TEDC2: variants seen among roughly 807,000 people sequenced by gnomAD.
TEDC2 encodes the protein tubulin epsilon and delta complex 2.
A neutral mutation model predicts 48.1 loss-of-function variants in TEDC2; 49 were observed. The observed-to-expected ratio is 1.02, with a 90% CI of 0.81 to 1.29. The LOEUF (loss-of-function observed/expected upper bound fraction) is 1.29, where lower values mean the gene tolerates loss of function less well. Ranked by LOEUF, TEDC2 falls within the 50% of genes most tolerant of loss-of-function variation. The pLI, the probability that TEDC2 is intolerant of heterozygous loss-of-function variation, is 0.00. For synonymous variants in TEDC2, 299 were observed against 247.1 expected (o/e 1.21, Z -1.97); for missense variants, 631 against 571.4 (o/e 1.10, Z -1.06).
At chr16:2,461,245 C>T in intron 4 of TEDC2, 21 bp downstream of exon 4, 2 of 1,445,518 alleles carry the variant, frequency 1.4e-6, no homozygotes, top group Non-Finnish European at 1.8e-6. Context: ...CGGACCCTCA[C>T]TGGAGGGACT....
chr16:2,463,190 G>A (rs972469270), intron 8 of TEDC2, among the ~76,000 whole-genome samples: 4 of 152,086 alleles, frequency 2.6e-5, no homozygotes, highest in African/African-American at 7.2e-5. Flanking sequence ...GCGTGGTGGT[G>A]GGCGCCTGTA....
chr16:2,461,609 A>G (rs1450403435), intron 4 of TEDC2, 138 bp from the exon 5 acceptor site: 1 of 1,032,612 alleles, frequency 9.7e-7, no homozygotes, highest in Non-Finnish European at 1.5e-6. Context: ...AGCCCTATCC[A>G]AGGGGGCTCA....
At chr16:2,463,282 C>G (rs2065479025) in intron 8 of TEDC2, among the ~76,000 whole-genome samples, 2 of 151,442 alleles carry the variant, frequency 1.3e-5, no homozygotes, top group Admixed American at 6.6e-5. Flanking sequence ...GATTGCGCCA[C>G]TGCATTCCAG....
At position 2,460,898 on chromosome 16, in the gene TEDC2, C is replaced by G. The variant is rs755501032; in HGVS notation, c.279C>G (p.Gly93=). ...AGAAGGCTGTACGAGTTCGAAGAGGCATCACTAAGGCCGGAGAGAGAGACA... is the reference window on the plus strand; with the variant it reads ...AGAAGGCTGTACGAGTTCGAAGAGGGATCACTAAGGCCGGAGAGAGAGACA... The part of the protein sequence containing the change: ...ALEKAVRVRR[G]ITKAGERDKA... Residue 93 remains glycine (G), a synonymous_variant, in exon 4 of 10, where the codon GGC becomes GGG. Coordinates refer to ENST00000361837, the MANE Select transcript of TEDC2 (RefSeq NM_025108.3). The G allele has an allele frequency of 8.1e-6, 13 of 1,613,568 alleles. No individual in the cohort carries two copies. The highest frequency in any genetic ancestry group is 1.1e-5 in the Non-Finnish European group (13 of 1,180,020).
rs2065455621 is a variant in TEDC2 at position 2,460,150 on chromosome 16, G to A, written c.6G>A (p.Leu2=). 4 of 1,349,638 alleles carry A rather than the reference G, an allele frequency of 3.0e-6. No homozygotes were observed. The highest frequency in any genetic ancestry group is 8.2e-5 in the Admixed American group (2 of 24,446). 83.6% of individuals were successfully genotyped at this position (1,349,638 alleles called of 1,614,324 possible). A position where few individuals can be genotyped will look rare whatever the true frequency, so the allele number is the denominator to read the frequency against. The part of the protein sequence containing the change: M[L]PAGCSRRLVA... ...AAGGAGACGCCGCCGCCTTCATGCT[G>A]CCGGCGGGCTGCTCGCGCCGGTGAG... The change falls in exon 1 of 10, where the codon CTG becomes CTA. Residue 2 remains leucine, a synonymous_variant. Transcript: ENST00000361837.
rs1200907459 is a variant in TEDC2 at position 2,464,624 on chromosome 16, G to A, written c.1258G>A (p.Gly420Arg). The change falls in exon 10 of 10, where the codon GGA becomes AGA. Residue 420 changes from glycine to arginine, a missense_variant. Transcript: ENST00000361837. ...RAVHSLLCEG[G>R]ARVLTILRDE... ...TGTGCACAGCCTGCTCTGCGAGGGA[G>A]GAGCACGTGTCCTTACCATCCTGCG... The A allele has an allele frequency of 2.5e-6, 4 of 1,612,788 alleles. No individual in the cohort carries two copies. Among genetic ancestry groups the A allele is most frequent in the African/African-American group, 2.7e-5 (2 of 75,064 alleles).
rs769391483 is a variant in TEDC2, at chr16:2,464,081, C to T, written c.1007C>T (p.Pro336Leu). Residue 336 changes from proline to leucine, a missense_variant, in exon 9 of 10, where the codon CCC becomes CTC. Physicochemically the swap from Pro to Leu is moderately conservative, Grantham distance 98. Coordinates refer to ENST00000361837, the MANE Select transcript of TEDC2 (RefSeq NM_025108.3). ...QPPRPCPVGR[P>L]PGASPSCGGR... ...CCAAGACCATGTCCTGTGGGGAGGC[C>T]CCCCGGAGCCTCGCCGTCCTGTGGG... is the stretch of plus-strand genomic sequence containing the variant. 9.3e-6 allele frequency: 15 copies of T among 1,612,760 alleles called. 1 individual carries two copies. The highest frequency in any genetic ancestry group is 2.2e-5 in the East Asian group (1 of 44,884).
In TEDC2 at chr16:2,464,152, A is replaced by G; in HGVS notation, c.1078A>G (p.Ser360Gly). 6.8e-6 allele frequency: 11 copies of G among 1,612,630 alleles called. No homozygotes were observed. The highest frequency in any genetic ancestry group is 9.3e-6 in the Non-Finnish European group (11 of 1,179,876). Reference sequence around the variant, plus strand: ...GAGCCCCCAGCTGCTTGTCTACTCCAGCACCCAGGAGCTGCAGACCCTGGC... The same window carrying G: ...GAGCCCCCAGCTGCTTGTCTACTCCGGCACCCAGGAGCTGCAGACCCTGGC... ...AWSPQLLVYSSTQELQTLAAL... is the reference protein window; with the variant it reads ...AWSPQLLVYSGTQELQTLAAL... Residue 360 changes from serine (S) to glycine (G), a missense_variant, in exon 9 of 10, where the codon AGC (serine) becomes GGC (glycine). By Grantham distance (56) the Ser-to-Gly change is moderately conservative. Coordinates refer to ENST00000361837, the MANE Select transcript of TEDC2 (RefSeq NM_025108.3).
In TEDC2 at chr16:2,464,639, A is replaced by T; in HGVS notation, c.1273A>T (p.Thr425Ser). ...CTGCGAGGGAGGAGCACGTGTCCTT[A>T]CCATCCTGCGGGATGAACCTGCAGT... Reference protein sequence around the residue: ...LLCEGGARVLTILRDEPAV With the variant: ...LLCEGGARVLSILRDEPAV The change falls in exon 10 of 10, where the codon ACC (threonine) becomes TCC (serine). Residue 425 changes from threonine to serine, a missense_variant. By Grantham distance (58) the Thr-to-Ser change is moderately conservative (BLOSUM62 1). Coordinates refer to ENST00000361837, the MANE Select transcript of TEDC2 (RefSeq NM_025108.3). The T allele has an allele frequency of 6.2e-7, 1 of 1,612,956 alleles. No homozygotes were observed. Among genetic ancestry groups the T allele is most frequent in the Non-Finnish European group, 8.5e-7 (1 of 1,179,964 alleles).
chr16:2,462,366 G>A (rs2141838915), intron 6 of TEDC2, 49 bp from the exon 7 acceptor site: 1 of 1,606,612 alleles, frequency 6.2e-7, no homozygotes, highest in African/African-American at 1.3e-5. Context: ...GTTCTTGGTG[G>A]GAGCAGAGGG....
In TEDC2 at chr16:2,464,102, G is replaced by T. The variant is rs544744371; in HGVS notation, c.1028G>T (p.Cys343Phe). 6.2e-7 allele frequency: 1 copy of T among 1,612,924 alleles called. No homozygotes were observed. The highest frequency in any genetic ancestry group is 1.1e-5 in the South Asian group (1 of 91,078). ...VGRPPGASPSCGGRAEPAWSP... is the reference protein window; with the variant it reads ...VGRPPGASPSFGGRAEPAWSP... Reference sequence around the variant, plus strand: ...AGGCCCCCCGGAGCCTCGCCGTCCTGTGGGGGTAGAGCGGAGCCTGCATGG... The same window carrying T: ...AGGCCCCCCGGAGCCTCGCCGTCCTTTGGGGGTAGAGCGGAGCCTGCATGG... Residue 343 changes from cysteine (C) to phenylalanine (F), a missense_variant, in exon 9 of 10, where the codon TGT (cysteine) becomes TTT (phenylalanine). Physicochemically the swap from Cys to Phe is radical, Grantham distance 205 (BLOSUM62 -2). Transcript: ENST00000361837.
At chr16:2,462,832 C>G in intron 8 of TEDC2, 100 bp downstream of exon 8, 1 of 1,156,224 alleles carries the variant, frequency 8.6e-7, no homozygotes, top group South Asian at 1.6e-5. Context: ...GGTGAGCAGC[C>G]CAGGGACCAG....
At position 2,462,133 on chromosome 16, in the gene TEDC2, C is replaced by A. The variant is rs755479631; in HGVS notation, c.660-16C>A. The A allele has an allele frequency of 1.9e-6, 3 of 1,606,696 alleles. No individual in the cohort carries two copies. Among genetic ancestry groups the A allele is most frequent in the Non-Finnish European group, 2.6e-6 (3 of 1,174,626 alleles). Reference sequence around the variant, plus strand: ...CCCTCTGTGGTTCCTCTGTGCACCCCACGTGTGCACCCCAGCCTGTGGGCC... The same window carrying A: ...CCCTCTGTGGTTCCTCTGTGCACCCAACGTGTGCACCCCAGCCTGTGGGCC... On this transcript the variant is annotated splice_polypyrimidine_tract_variant and intron_variant, in intron 5 of 9. Coordinates refer to ENST00000361837, the MANE Select transcript of TEDC2 (RefSeq NM_025108.3).
In TEDC2 at chr16:2,460,969, C is replaced by G; in HGVS notation, c.350C>G (p.Thr117Arg). Reference protein sequence around the residue: ...KSRSIVTSSGTTASAPPHSPG... With the variant: ...KSRSIVTSSGRTASAPPHSPG... ...AGGTCCATTGTCACCTCTTCTGGCA[C>G]GACAGCCTCCGCCCCACCGCATTCC... The change falls in exon 4 of 10, where the codon ACG (threonine) becomes AGG (arginine). Residue 117 changes from threonine to arginine, a missense_variant. Physicochemically the swap from Thr to Arg is moderately conservative, Grantham distance 71. Transcript: ENST00000361837. The G allele has an allele frequency of 6.2e-7, 1 of 1,613,372 alleles. No homozygotes were observed. The highest frequency in any genetic ancestry group is 8.5e-7 in the Non-Finnish European group (1 of 1,180,006).
At chr16:2,462,105 T>TG (rs1168680574) in intron 5 of TEDC2, 44 bp from the exon 6 acceptor site, 5 of 1,587,780 alleles carry the variant, frequency 3.1e-6, no homozygotes, top group Non-Finnish European at 4.3e-6. Context: ...GGAATAACCG[T>TG]GTCCCTCTGT....
At chr16:2,461,318 G>T in intron 4 of TEDC2, 94 bp downstream of exon 4, 1 of 1,387,546 alleles carries the variant, frequency 7.2e-7, no homozygotes, top group East Asian at 2.6e-5. Flanking sequence ...GACAGGGAAG[G>T]CAGGGCATCG....
At position 2,462,691 on chromosome 16, in the gene TEDC2, T is replaced by C; in HGVS notation, c.923T>C (p.Met308Thr). ...CLLTLEGLQA[M>T]VGQCLHRLQE... is the part of the protein sequence containing the mutation. ...CTCACGCTGGAGGGGCTGCAGGCCA[T>C]GGTGGGCCAGTGTCTGCACAGGCTG... The change falls in exon 8 of 10, where the codon ATG becomes ACG. Residue 308 changes from methionine to threonine, a missense_variant. Coordinates refer to ENST00000361837, the MANE Select transcript of TEDC2 (RefSeq NM_025108.3). 1.3e-6 allele frequency: 2 copies of C among 1,545,626 alleles called. No individual in the cohort carries two copies. Among genetic ancestry groups the C allele is most frequent in the Non-Finnish European group, 1.7e-6 (2 of 1,146,954 alleles).
At chr16:2,463,878 C>T in intron 8 of TEDC2, 161 bp from the exon 9 acceptor site, 1 of 773,594 alleles carries the variant, frequency 1.3e-6, no homozygotes, top group Non-Finnish European at 2.0e-6. Context: ...CCAGCAAGTC[C>T]AGGCCCAAGA....
At chr16:2,464,357 G>C in intron 9 of TEDC2, 128 bp downstream of exon 9, 1 of 1,365,472 alleles carries the variant, frequency 7.3e-7, no homozygotes, top group Non-Finnish European at 9.9e-7. Flanking sequence ...CTGTGTGTGT[G>C]GGTTGGGAAG....
Sources: gnomAD v4.1 joint callset for allele counts (sites outside exome capture counted in the v4.1 genomes callset) on GRCh38, gnomAD v4.1.1 for gene constraint, MANE v1.5 for transcripts, NCBI Gene and HGNC (gene_info 2026-07-23, HGNC 2026-07-21) for gene names.